The following MPPED2 variants were observed in gnomAD, a reference collection of about 807,000 sequenced individuals.
MPPED2 encodes metallophosphoesterase MPPED2.
A neutral mutation model predicts 33.0 loss-of-function variants in MPPED2; 5 were observed. The ratio of observed to expected loss-of-function variants is 0.15; its 90% CI spans 0.08 to 0.32. The LOEUF is 0.32. Ranked by LOEUF, MPPED2 falls within the 10% of genes least tolerant of loss-of-function variation. MPPED2 has a pLI of 1.00. For missense variants in MPPED2, 275 were observed against 372.1 expected (o/e 0.74, Z 2.15); for synonymous variants, 136 against 141.9 (o/e 0.96, Z 0.29).
chr11:30,416,418 A>T (rs577370719), intron 5 of MPPED2, among the ~76,000 whole-genome samples: 2 of 152,274 alleles, frequency 1.3e-5, no homozygotes, highest in Admixed American at 1.3e-4. Flanking sequence ...CAAAAATTAA[A>T]CTTGCATTAG....
intron 4 of MPPED2, among the ~76,000 whole-genome samples, chr11:30,492,879 T>C (rs1300895798): frequency 6.6e-6 from 1 of 152,180 alleles, no homozygotes; most frequent in Non-Finnish European, 1.5e-5. Flanking sequence ...ACTTAACTTT[T>C]CTGCACCTGG....
chr11:30,496,902 A>C (rs1233045901), intron 3 of MPPED2, among the ~76,000 whole-genome samples: 1 of 152,202 alleles, frequency 6.6e-6, no homozygotes, highest in Non-Finnish European at 1.5e-5. Flanking sequence ...TTCTTTAGTT[A>C]TTAATTGTTA....
chr11:30,444,277 C>T (rs1949706091), intron 4 of MPPED2, among the ~76,000 whole-genome samples: 1 of 152,076 alleles, frequency 6.6e-6, no homozygotes, highest in Non-Finnish European at 1.5e-5. Context: ...GAAAATGAAG[C>T]CATGTGCTCG....
Position 30,411,603 on chromosome 11 carries a change from T to C in MPPED2, c.767-17A>G, listed in dbSNP as rs544842781. ...TGCCATAACCTGTGGGGAGAGCGTG[T>C]CACATTTACTGTAATATATACAAAT... On this transcript the variant is annotated splice_polypyrimidine_tract_variant and intron_variant, in intron 6 of 6. Transcript: ENST00000358117. The C allele has an allele frequency of 1.2e-5, 19 of 1,606,528 alleles. No homozygotes were observed. Among genetic ancestry groups the C allele is most frequent in the East Asian group, 2.2e-5 (1 of 44,842 alleles).
At chr11:30,408,991 A>G (rs1948032399), downstream of MPPED2, among the ~76,000 whole-genome samples, 1 of 152,216 alleles carries the variant, frequency 6.6e-6, no homozygotes, top group South Asian at 2.1e-4. Flanking sequence ...GACTGGCTGA[A>G]GAAAGCTTTA....
At chr11:30,440,521 C>T (rs1949525067) in intron 4 of MPPED2, among the ~76,000 whole-genome samples, 1 of 152,282 alleles carries the variant, frequency 6.6e-6, no homozygotes, top group African/African-American at 2.4e-5. Flanking sequence ...GTTCTGGACT[C>T]TGGAGCACTG....
At chr11:30,394,274 C>T (rs1947813910) in intron 6 of MPPED2, among the ~76,000 whole-genome samples, 1 of 152,228 alleles carries the variant, frequency 6.6e-6, no homozygotes, top group South Asian at 2.1e-4. Flanking sequence ...CATCATCTCT[C>T]TAGGGTAAAT....
At chr11:30,522,906 A>C (rs190766738) in intron 3 of MPPED2, among the ~76,000 whole-genome samples, 1 of 152,360 alleles carries the variant, frequency 6.6e-6, no homozygotes, top group Admixed American at 6.5e-5. Flanking sequence ...TTAAGTTACT[A>C]TAAGGGATTT....
At chr11:30,430,235 C>T (rs979496252) in intron 4 of MPPED2, among the ~76,000 whole-genome samples, 4 of 152,004 alleles carry the variant, frequency 2.6e-5, no homozygotes. Context: ...CAGGCCTGTG[C>T]TGCCCAATAT....
At chr11:30,413,984 G>C (rs936113163) in intron 6 of MPPED2, among the ~76,000 whole-genome samples, 6 of 152,278 alleles carry the variant, frequency 3.9e-5, no homozygotes, top group African/African-American at 1.2e-4. Flanking sequence ...GCTGCCAGGG[G>C]GAGTGCAGGG....
intron 4 of MPPED2, among the ~76,000 whole-genome samples, chr11:30,428,196 G>A (rs10835665): frequency 0.19 from 29,109 of 152,124 alleles, 3,929 homozygotes; most frequent in African/African-American, 0.39. Context: ...TTGAGCACCT[G>A]CTTAGTGCCA....
chr11:30,440,714 A>T (rs1590274474), intron 4 of MPPED2, among the ~76,000 whole-genome samples: 1 of 152,178 alleles, frequency 6.6e-6, no homozygotes, highest in African/African-American at 2.4e-5. Flanking sequence ...TACTGCTGAC[A>T]CGTTCATTTC....
intron 4 of MPPED2, among the ~76,000 whole-genome samples, chr11:30,460,427 C>T (rs1259467179): frequency 6.6e-6 from 1 of 152,030 alleles, no homozygotes; most frequent in Non-Finnish European, 1.5e-5. Flanking sequence ...TCAAAACCAG[C>T]CTGGGCAAGA....
intron 4 of MPPED2, among the ~76,000 whole-genome samples, chr11:30,428,119 C>T (rs774971504): frequency 9.2e-5 from 14 of 152,020 alleles, no homozygotes; most frequent in Non-Finnish European, 1.6e-4. Context: ...CCATATGTGG[C>T]AATAAAAAAG....
chr11:30,585,328 T>G (rs900845755), intron 1 of MPPED2, among the ~76,000 whole-genome samples: 3 of 150,288 alleles, frequency 2.0e-5, no homozygotes, highest in African/African-American at 7.3e-5. Context: ...CGGCGGAGAG[T>G]GAGGTTGGGG....
intron 2 of MPPED2, among the ~76,000 whole-genome samples, chr11:30,538,077 G>A (rs1007628200): frequency 1.3e-4 from 20 of 152,150 alleles, no homozygotes; most frequent in African/African-American, 4.6e-4. Context: ...TATACCAATA[G>A]TTAAATGCTC....
intron 3 of MPPED2, among the ~76,000 whole-genome samples, chr11:30,499,679 G>A (rs747430293): frequency 1.3e-5 from 2 of 151,964 alleles, no homozygotes; most frequent in Admixed American, 6.6e-5. Flanking sequence ...ACACACATAC[G>A]TGCCTCAAAC....
chr11:30,432,442 T>C (rs553219873), intron 4 of MPPED2, among the ~76,000 whole-genome samples: 9,988 of 152,234 alleles, frequency 0.066, 1,044 homozygotes, highest in African/African-American at 0.22. Flanking sequence ...TATAGTTTAC[T>C]TCTTTATAGC....
chr11:30,436,300 T>C (rs1209346811), intron 4 of MPPED2, among the ~76,000 whole-genome samples: 1 of 133,048 alleles, frequency 7.5e-6, no homozygotes, highest in Non-Finnish European at 1.6e-5. Context: ...CATCCTGTAA[T>C]GCAATGTTTC....
Sources: allele counts gnomAD v4.1 joint callset (sites outside exome capture counted in the v4.1 genomes callset), GRCh38; gene constraint gnomAD v4.1.1; transcripts MANE v1.5; gene names NCBI Gene and HGNC (gene_info 2026-07-23, HGNC 2026-07-21).